Variants in FAHD2A observed in about 807,000 individuals in gnomAD.
FAHD2A encodes oxaloacetate tautomerase FAHD2A, mitochondrial.
A neutral mutation model predicts 33.4 loss-of-function variants in FAHD2A; 27 were observed. The observed-to-expected ratio is 0.81, with a 90% CI of 0.60 to 1.11. The LOEUF (loss-of-function observed/expected upper bound fraction) is 1.11, where lower values mean the gene tolerates loss of function less well. Among genes scored for constraint, FAHD2A ranks in the 50% most tolerant of loss-of-function variants. FAHD2A has a pLI of 0.00. For synonymous variants in FAHD2A, 130 were observed against 153.3 expected, an observed-to-expected ratio of 0.85 and a Z score of 1.12; for missense variants, 296 against 395.0, an observed-to-expected ratio of 0.75 and a Z score of 2.12.
chr2:95,412,284 A>C, intron 5 of FAHD2A, 150 bp from the exon 6 acceptor site: 3 of 854,598 alleles, frequency 3.5e-6, no homozygotes, highest in South Asian at 1.8e-5. Context: ...CTATACAGAA[A>C]GTTCTAACAT....
intron 1 of FAHD2A, among the ~76,000 whole-genome samples, chr2:95,403,398 C>T (rs1041599084): frequency 1.3e-5 from 2 of 152,164 alleles, no homozygotes; most frequent in African/African-American, 2.4e-5. Context: ...CTGGGGTTCT[C>T]TTGGAGAGCT....
downstream of FAHD2A, among the ~76,000 whole-genome samples, chr2:95,420,455 T>C (rs1462629440): frequency 6.6e-6 from 1 of 151,908 alleles, no homozygotes; most frequent in African/African-American, 2.4e-5. Context: ...TACCCAACAG[T>C]GAGCAAATCC....
At chr2:95,407,474 G>A (rs1407178573) in intron 3 of FAHD2A, 26 of 429,584 alleles carry the variant, frequency 6.1e-5, no homozygotes, top group African/African-American at 1.6e-4. Flanking sequence ...GTGTTTCTCC[G>A]CTCCTGTATA....
intron 3 of FAHD2A, 153 bp downstream of exon 3, chr2:95,407,310 G>GA (rs905320840): frequency 4.8e-4 from 528 of 1,109,554 alleles, no homozygotes; most frequent in South Asian, 6.1e-4. Context: ...ACTGGCCTTG[G>GA]AAAAAAAAAG....
Position 95,413,521 on chromosome 2 carries a change from G to A in FAHD2A, c.*564G>A. 2 of 1,606,026 alleles carry A rather than the reference G, an allele frequency of 1.2e-6. No homozygotes were observed. Among genetic ancestry groups the A allele is most frequent in the African/African-American group, 1.3e-5 (1 of 74,824 alleles). ...ATTGTCCAGGCTGGCAAAAGTAGGGGACAGGTGGAGCCTGGGGCCTGCAGG... is the reference window on the plus strand; with the variant it reads ...ATTGTCCAGGCTGGCAAAAGTAGGGAACAGGTGGAGCCTGGGGCCTGCAGG... On this transcript the variant is annotated 3_prime_UTR_variant, in exon 8 of 8. Coordinates refer to ENST00000233379, the MANE Select transcript of FAHD2A (RefSeq NM_016044.3).
chr2:95,421,040 TG>T (rs1683308966), downstream of FAHD2A, among the ~76,000 whole-genome samples: 2 of 106,016 alleles, frequency 1.9e-5, no homozygotes, highest in South Asian at 6.9e-4. Flanking sequence ...TGTGTGTGTG[TG>T]TGTGTGTCCC....
intron 5 of FAHD2A, among the ~76,000 whole-genome samples, chr2:95,411,797 C>G (rs1279990594): frequency 6.6e-6 from 1 of 151,912 alleles, no homozygotes; most frequent in Non-Finnish European, 1.5e-5. Flanking sequence ...GATGCTGAGT[C>G]TTTTTTTTGC....
intron 2 of FAHD2A, 116 bp downstream of exon 2, chr2:95,405,919 C>A (rs1681466493): frequency 3.3e-6 from 4 of 1,210,234 alleles, no homozygotes; most frequent in Non-Finnish European, 2.3e-6. Flanking sequence ...AGTAACCCCA[C>A]CTTTCCTTTT....
In FAHD2A at chr2:95,413,552, G is replaced by A. The variant is rs1573586283; in HGVS notation, c.*595G>A. On this transcript the variant is annotated 3_prime_UTR_variant, in exon 8 of 8. Transcript: ENST00000233379. ...TGGAGCCTGGGGCCTGCAGGGCTCG[G>A]CGTCTGCTGCAGAACCTGGGCCATG... 6.3e-7 allele frequency: 1 copy of A among 1,585,360 alleles called. No individual in the cohort carries two copies.
downstream of FAHD2A, among the ~76,000 whole-genome samples, chr2:95,420,231 A>G (rs2104392489): frequency 6.6e-6 from 1 of 152,238 alleles, no homozygotes; most frequent in African/African-American, 2.4e-5. Flanking sequence ...GTTTAGCCAG[A>G]CACCTGGGCA....
At chr2:95,408,819 A>G (rs1654164552) in intron 3 of FAHD2A, among the ~76,000 whole-genome samples, 1 of 152,242 alleles carries the variant, frequency 6.6e-6, no homozygotes, top group South Asian at 2.1e-4. Context: ...CTGTTTTGCA[A>G]CAATTCAACT....
chr2:95,407,794 G>C (rs893887958), intron 3 of FAHD2A, among the ~76,000 whole-genome samples: 6 of 152,064 alleles, frequency 3.9e-5, no homozygotes, highest in African/African-American at 1.4e-4. Flanking sequence ...CTGCCAATTG[G>C]CCTTTTAAAA....
downstream of FAHD2A, among the ~76,000 whole-genome samples, chr2:95,418,388 T>C (rs976249882): frequency 6.6e-6 from 1 of 151,934 alleles, no homozygotes; most frequent in African/African-American, 2.4e-5. Flanking sequence ...ATCTGTTCCC[T>C]ACTTAGAAGA....
chr2:95,410,531 T>G lies in FAHD2A; in HGVS notation c.467T>G (p.Val156Gly), dbSNP rs768435464. 9 of 1,608,488 alleles carry G rather than the reference T, an allele frequency of 5.6e-6. No individual in the cohort carries two copies. The East Asian group carries it at 1.6e-4, about 28-fold the overall frequency. ...TGTTCCTCTCCCACCCTACAGGAGG[T>G]AGATTGGGAAGTGGAGCTGGCCGTG... is the stretch of plus-strand genomic sequence containing the variant. ...EVVLPPQSQE[V>G]DWEVELAVVI... The change falls in exon 4 of 8, where the codon GTA becomes GGA. Residue 156 changes from valine to glycine, a missense_variant. Coordinates refer to ENST00000233379, the MANE Select transcript of FAHD2A (RefSeq NM_016044.3).
Position 95,405,603 on chromosome 2 carries a change from G to C in FAHD2A, c.45G>C (p.Gln15His). ...GRRRLLTVLL[Q>H]AQKWPFQPSR... is the part of the protein sequence containing the mutation. ...GAAGGTTACTCACAGTTCTGCTGCA[G>C]GCTCAGAAGTGGCCCTTTCAACCCT... The change falls in exon 2 of 8, where the codon CAG (glutamine) becomes CAC (histidine). Residue 15 changes from glutamine (Q) to histidine (H), a missense_variant. Transcript: ENST00000233379. 1.2e-6 allele frequency: 2 copies of C among 1,613,998 alleles called. No homozygotes were observed. Among genetic ancestry groups the C allele is most frequent in the Non-Finnish European group, 1.7e-6 (2 of 1,179,872 alleles).
rs771963886 is a variant in FAHD2A at position 95,412,561 on chromosome 2, C to T, written c.794+19C>T. 1 of 1,613,768 alleles carries T rather than the reference C, an allele frequency of 6.2e-7. No individual in the cohort carries two copies. Among genetic ancestry groups the T allele is most frequent in the South Asian group, 1.1e-5 (1 of 91,056 alleles). On this transcript the variant is annotated intron_variant, in intron 6 of 7. Coordinates refer to ENST00000233379, the MANE Select transcript of FAHD2A (RefSeq NM_016044.3). Reference sequence around the variant, plus strand: ...TCTCCCAGTGAGTGACAGGGGCTGTCCTGCCAGCCCCGCTTCACCTGCCAC... The same window carrying T: ...TCTCCCAGTGAGTGACAGGGGCTGTTCTGCCAGCCCCGCTTCACCTGCCAC...
chr2:95,408,016 C>G (rs1411951203), intron 3 of FAHD2A, among the ~76,000 whole-genome samples: 1 of 150,348 alleles, frequency 6.7e-6, no homozygotes, highest in Non-Finnish European at 1.5e-5. Context: ...TCTCCCTGCC[C>G]TCCACATGGC....
At position 95,415,629 on chromosome 2, in the gene FAHD2A, G is replaced by GT. The variant is rs1683081732; in HGVS notation, c.*2673dup. 1 of 152,600 alleles carries GT rather than the reference G, an allele frequency of 6.6e-6. No individual in the cohort carries two copies. Among genetic ancestry groups the GT allele is most frequent in the South Asian group, 2.1e-4 (1 of 4,824 alleles). 9.5% of individuals were successfully genotyped at this position (152,600 alleles called of 1,614,324 possible). A position where few individuals can be genotyped will look rare whatever the true frequency, so the allele number is the denominator to read the frequency against. On this transcript the variant is annotated 3_prime_UTR_variant, in exon 8 of 8. Transcript: ENST00000233379. ...ACTCTCCATGTATCACTCGCCAGCC[G>GT]TGCAGTCCTCACTCTCTTGCCCAGG...
In FAHD2A at chr2:95,414,108, A is replaced by G. The variant is rs1682925287; in HGVS notation, c.*1151A>G. On this transcript the variant is annotated 3_prime_UTR_variant, in exon 8 of 8. Coordinates refer to ENST00000233379, the MANE Select transcript of FAHD2A (RefSeq NM_016044.3). ...TCCTCTTGTTTAAAGAAGCCCAGGG[A>G]GGGATAGATCTCCGACTGGACAGAA... The G allele has an allele frequency of 6.9e-7, 1 of 1,454,976 alleles. No homozygotes were observed. Among genetic ancestry groups the G allele is most frequent in the Admixed American group, 1.8e-5 (1 of 56,424 alleles). The allele number at this position is 1,454,976 out of a possible 1,614,324, so 90.1% of individuals were successfully genotyped here.
Sources: gnomAD v4.1 joint callset for allele counts (sites outside exome capture counted in the v4.1 genomes callset) on GRCh38, gnomAD v4.1.1 for gene constraint, MANE v1.5 for transcripts, NCBI Gene and HGNC (gene_info 2026-07-23, HGNC 2026-07-21) for gene names.